The following WDR26 variants were observed in gnomAD, a reference collection of about 807,000 sequenced individuals.
WDR26 encodes WD repeat domain 26.
Under a neutral mutation model 84.1 loss-of-function variants are expected in WDR26, and 5 were observed. The observed-to-expected ratio is 0.06, with a 90% CI of 0.03 to 0.13. The LOEUF (loss-of-function observed/expected upper bound fraction) is 0.13, where lower values mean the gene tolerates loss of function less well. Among genes scored for constraint, WDR26 ranks in the 10% least tolerant of loss-of-function variants. The pLI is 1.00. For synonymous variants in WDR26, 415 were observed against 389.6 expected (o/e 1.07, Z -0.77); for missense variants, 642 against 974.9 (o/e 0.66, Z 4.55).
At chr1:224,420,012 C>A (rs1278928057) in intron 4 of WDR26, among the ~76,000 whole-genome samples, 1 of 152,100 alleles carries the variant, frequency 6.6e-6, no homozygotes, top group African/African-American at 2.4e-5. Context: ...GGTTAAGAGG[C>A]TAAGTAGGTA....
intron 7 of WDR26, among the ~76,000 whole-genome samples, chr1:224,410,911 T>G (rs1673721152): frequency 6.6e-6 from 1 of 152,052 alleles, no homozygotes; most frequent in Non-Finnish European, 1.5e-5. Context: ...AGGCTGCTCT[T>G]GAACTCCTGA....
intron 7 of WDR26, among the ~76,000 whole-genome samples, chr1:224,410,379 G>A (rs976753174): frequency 1.3e-5 from 2 of 151,768 alleles, no homozygotes; most frequent in East Asian, 1.9e-4. Flanking sequence ...TAACCTATCC[G>A]GAGTCATGTG....
rs1164234602 is a variant in WDR26 at position 224,386,128 on chromosome 1, A to AT, written c.*3706dup. The stretch of plus-strand genomic sequence containing the variant: ...AGCTTAACAACACTGAAAAATTTCA[A>AT]TTAAGTTCACCCTGTTTTTAGAAAG... On this transcript the variant is annotated 3_prime_UTR_variant, in exon 14 of 14. Coordinates refer to ENST00000414423, the MANE Select transcript of WDR26 (RefSeq NM_001379403.1). 6.6e-6 allele frequency: 1 copy of AT among 152,622 alleles called. No individual in the cohort carries two copies. The highest frequency in any genetic ancestry group is 2.4e-5 in the African/African-American group (1 of 41,460). The allele number at this position is 152,622 out of a possible 1,614,324, so 9.5% of individuals were successfully genotyped here.
chr1:224,397,272 T>C (rs1039623341), intron 12 of WDR26, among the ~76,000 whole-genome samples: 6 of 152,206 alleles, frequency 3.9e-5, no homozygotes, highest in African/African-American at 7.2e-5. Flanking sequence ...ATTACAGGTG[T>C]AAGCCATCAT....
intron 3 of WDR26, chr1:224,431,096 A>C (rs891630146): frequency 6.3e-6 from 1 of 158,316 alleles, no homozygotes; most frequent in African/African-American, 2.4e-5. Context: ...TCAGCTTCTT[A>C]AGGCTGTATG....
rs2102879355 is a variant in WDR26, at chr1:224,385,737, T to C, written c.*4098A>G. 6.5e-6 allele frequency: 1 copy of C among 152,712 alleles called. No individual in the cohort carries two copies. The highest frequency in any genetic ancestry group is 2.1e-4 in the South Asian group (1 of 4,830). 9.5% of individuals were successfully genotyped at this position (152,712 alleles called of 1,614,324 possible). On this transcript the variant is annotated 3_prime_UTR_variant, in exon 14 of 14. Transcript: ENST00000414423. ...TTTCAAGGAGCCAATAACATTTTTT[T>C]CCATCTGTGCCTAAAAATGTTACAA...
chr1:224,428,723 C>T (rs973328613), intron 3 of WDR26, among the ~76,000 whole-genome samples: 1 of 148,754 alleles, frequency 6.7e-6, no homozygotes, highest in Admixed American at 6.7e-5. Context: ...ATGGTGAAAA[C>T]CCATCTCTAC....
At position 224,410,588 on chromosome 1, in the gene WDR26, G is replaced by A. The variant is rs1204759018; in HGVS notation, c.1458+839C>T. Among the ~76,000 whole-genome samples the A allele has an allele frequency of 2.0e-5, 3 of 151,896 alleles. No homozygotes were observed. The South Asian group carries it at 6.2e-4, about 32-fold the overall frequency. ...AAGGGGGAAAGGATTACACAACAAGGTCCACAAATTATACAAGATAATGAT... is the reference window on the plus strand; with the variant it reads ...AAGGGGGAAAGGATTACACAACAAGATCCACAAATTATACAAGATAATGAT... On this transcript the variant is annotated intron_variant, in intron 7 of 13. Transcript: ENST00000414423.
Position 224,387,853 on chromosome 1 carries a change from A to C in WDR26, c.*1982T>G, listed in dbSNP as rs1673024351. 6.6e-6 allele frequency: 1 copy of C among 152,658 alleles called. No individual in the cohort carries two copies. Among genetic ancestry groups the C allele is most frequent in the Non-Finnish European group, 1.5e-5 (1 of 68,038 alleles). The allele number at this position is 152,658 out of a possible 1,614,324, so 9.5% of individuals were successfully genotyped here. ...TGCCACTTAATTACATACAGTTACCAATGAAGATTTTTATTCAAGCTTAAA... is the reference window on the plus strand; with the variant it reads ...TGCCACTTAATTACATACAGTTACCCATGAAGATTTTTATTCAAGCTTAAA... On this transcript the variant is annotated 3_prime_UTR_variant, in exon 14 of 14. Transcript: ENST00000414423.
intron 4 of WDR26, among the ~76,000 whole-genome samples, chr1:224,423,517 AGGT>A (rs1674124694): frequency 6.6e-6 from 1 of 152,204 alleles, no homozygotes; most frequent in Non-Finnish European, 1.5e-5. Context: ...AGGCCGAAGC[AGGT>A]GGATTGCTTA....
intron 10 of WDR26, 131 bp from the exon 11 acceptor site, chr1:224,398,724 T>C (rs1244266542): frequency 8.5e-6 from 10 of 1,178,614 alleles, no homozygotes; most frequent in African/African-American, 4.7e-5. Context: ...TATACTTCAA[T>C]TGAGAAGAAT....
intron 4 of WDR26, among the ~76,000 whole-genome samples, chr1:224,421,999 A>G (rs1321748300): frequency 6.6e-6 from 1 of 152,128 alleles, no homozygotes; most frequent in Non-Finnish European, 1.5e-5. Flanking sequence ...CTCGTGTGTC[A>G]CATATTTGTT....
intron 3 of WDR26, among the ~76,000 whole-genome samples, chr1:224,425,181 A>G (rs1192134983): frequency 1.3e-5 from 2 of 152,372 alleles, no homozygotes; most frequent in East Asian, 3.9e-4. Context: ...GGAGAAAAGT[A>G]TATTTTGGCT....
chr1:224,390,545 A>C (rs1572150704), intron 13 of WDR26, among the ~76,000 whole-genome samples: 2 of 152,354 alleles, frequency 1.3e-5, no homozygotes, highest in East Asian at 3.9e-4. Flanking sequence ...ACGTGTTATA[A>C]CTATGGAGTT....
rs927335816 is a variant in WDR26, at chr1:224,434,118, G to A, written c.288C>T (p.Val96=). The A allele has an allele frequency of 1.4e-5, 20 of 1,429,354 alleles. No individual in the cohort carries two copies. Among genetic ancestry groups the A allele is most frequent in the Admixed American group, 2.9e-5 (1 of 34,794 alleles). The allele number at this position is 1,429,354 out of a possible 1,614,324, so 88.5% of individuals were successfully genotyped here. ...CATTGGCCTGCATGATGCTGCCGCT[G>A]ACCAGGCTGTGGCCGCTACTTCGGT... The change falls in exon 1 of 14, where the codon GTC becomes GTT. Residue 96 remains valine (V), a synonymous_variant. Coordinates refer to ENST00000414423, the MANE Select transcript of WDR26 (RefSeq NM_001379403.1).
chr1:224,432,312 G>A (rs1428050212), intron 1 of WDR26, among the ~76,000 whole-genome samples: 3 of 152,136 alleles, frequency 2.0e-5, no homozygotes, highest in African/African-American at 7.2e-5. Context: ...ATTTACTATG[G>A]TGTAGGTTCC....
At position 224,404,432 on chromosome 1, in the gene WDR26, G is replaced by C. The variant is rs1324415501; in HGVS notation, c.1597C>G (p.Gln533Glu). Reference sequence around the variant, plus strand: ...AACCAAAGATGGAACTCGCTCACTTGTACATTCCAAAGCCAAAGCTCAGAG... The same window carrying C: ...AACCAAAGATGGAACTCGCTCACTTCTACATTCCAAAGCCAAAGCTCAGAG... Residue 533 changes from glutamine to glutamate, a missense_variant and splice_region_variant, in exon 8 of 14, where the codon CAA becomes GAA. Around this residue, in one of 2 missense-constraint regions of WDR26, gnomAD observed 351 missense variants for 672.8 expected, o/e 0.52. Transcript: ENST00000414423. 3 of 1,613,682 alleles carry C rather than the reference G, an allele frequency of 1.9e-6. No individual in the cohort carries two copies. The African/African-American group carries it at 4.0e-5, about 22-fold the overall frequency.
intron 6 of WDR26, among the ~76,000 whole-genome samples, chr1:224,411,946 G>A (rs1673752327): frequency 6.6e-6 from 1 of 151,988 alleles, no homozygotes; most frequent in South Asian, 2.1e-4. Flanking sequence ...AGGCTGCAGT[G>A]AGTTATGACT....
chr1:224,413,217 CCA>C, intron 6 of WDR26: 1 of 806,896 alleles, frequency 1.2e-6, no homozygotes, highest in Non-Finnish European at 1.6e-6. Flanking sequence ...ACCCCCCCCC[CCA>C]AAAAAAACGT....
Sources: allele counts gnomAD v4.1 joint callset (sites outside exome capture counted in the v4.1 genomes callset), GRCh38; gene constraint gnomAD v4.1.1; regional missense constraint gnomAD v4.1.1; transcripts MANE v1.5; gene names NCBI Gene and HGNC (gene_info 2026-07-23, HGNC 2026-07-21).